The following SAXO3 variants were observed in gnomAD, a reference collection of about 807,000 sequenced individuals.
SAXO3 encodes the protein CTB-60B18.10.
At chr19:49,019,160 C>A in the SAXO3 span, 1 of 1,414,314 alleles carries the variant, frequency 7.1e-7, no homozygotes. Flanking sequence ...TCCTGCCACC[C>A]ACGCCAGGGA....
At chr19:49,018,056 C>CA in the SAXO3 span, 1 of 398,732 alleles carries the variant, frequency 2.5e-6, no homozygotes, top group East Asian at 3.6e-5. Context: ...CAGGGGCTTC[C>CA]AGTGCGGGCC....
the SAXO3 span, chr19:49,018,854 G>A: frequency 1.3e-6 from 2 of 1,526,866 alleles, no homozygotes; most frequent in South Asian, 2.4e-5. Flanking sequence ...AGGCGGTGCC[G>A]AGCGAGAGCC....
At chr19:49,020,415 C>T in the SAXO3 span, 9 of 399,240 alleles carry the variant, frequency 2.3e-5, no homozygotes, top group African/African-American at 2.1e-5. Context: ...TGGGATAATG[C>T]GGTGGGAAAA....
chr19:49,018,764 G>T, the SAXO3 span: 1 of 957,344 alleles, frequency 1.0e-6, no homozygotes, highest in Non-Finnish European at 1.6e-6. Flanking sequence ...TACAGAAGTC[G>T]AGGCTGAGAC....
the SAXO3 span, chr19:49,018,830 G>A: frequency 5.4e-6 from 8 of 1,473,378 alleles, no homozygotes; most frequent in South Asian, 9.7e-5. Flanking sequence ...CGGCCACGGC[G>A]GGGGCTGTGC....
the SAXO3 span, chr19:49,020,166 C>A: frequency 1.5e-5 from 8 of 542,658 alleles, no homozygotes; most frequent in Middle Eastern, 4.8e-4. Context: ...TATCACCCCC[C>A]ACCCCAAACT....
the SAXO3 span, chr19:49,020,514 A>G: frequency 2.5e-6 from 1 of 398,766 alleles, no homozygotes; most frequent in South Asian, 1.3e-4. Flanking sequence ...GCCACTGGCC[A>G]TGGTTCCACC....
chr19:49,019,423 G>A, the SAXO3 span: 1 of 1,256,600 alleles, frequency 8.0e-7, no homozygotes, highest in East Asian at 3.1e-5. Flanking sequence ...CCCACCCACA[G>A]CCCGCCGTCT....
the SAXO3 span, chr19:49,018,968 C>T: frequency 6.5e-7 from 1 of 1,533,984 alleles, no homozygotes; most frequent in East Asian, 2.4e-5. Flanking sequence ...GCCGGCCAGA[C>T]AGCTCGGGGT....
the SAXO3 span, chr19:49,019,706 C>G: frequency 1.7e-6 from 2 of 1,198,414 alleles, no homozygotes; most frequent in African/African-American, 3.2e-5. Context: ...CCGAAGTATT[C>G]CGGGGCGCGC....
At chr19:49,019,454 G>A in the SAXO3 span, 15 of 1,254,700 alleles carry the variant, frequency 1.2e-5, no homozygotes, top group Non-Finnish European at 1.5e-5. Flanking sequence ...CAGCTTAGGA[G>A]CCCTGAAGGT....
chr19:49,019,698 G>T, the SAXO3 span: 21 of 1,207,528 alleles, frequency 1.7e-5, no homozygotes, highest in Non-Finnish European at 2.2e-5. Context: ...GCTGGGGCCC[G>T]AAGTATTCCG....
At chr19:49,019,095 C>T in the SAXO3 span, 1 of 1,444,064 alleles carries the variant, frequency 6.9e-7, no homozygotes, top group Non-Finnish European at 9.1e-7. Flanking sequence ...TCTCCTTCGG[C>T]CTCGACAGCC....
chr19:49,019,346 G>T, the SAXO3 span: 20 of 1,191,216 alleles, frequency 1.7e-5, no homozygotes, highest in Non-Finnish European at 2.0e-5. Flanking sequence ...CTGCATCTTG[G>T]GCAGCAACTC....
the SAXO3 span, chr19:49,020,027 TC>T: frequency 6.8e-7 from 1 of 1,463,352 alleles, no homozygotes; most frequent in Non-Finnish European, 8.9e-7. Context: ...AGAGGTTGTC[TC>T]CCATCTGCTG....
the SAXO3 span, chr19:49,018,346 G>A: frequency 5.7e-6 from 7 of 1,218,214 alleles, no homozygotes; most frequent in Non-Finnish European, 7.2e-6. Flanking sequence ...CCGTCCTGTG[G>A]GAGCAGGGCG....
chr19:49,018,460 G>A, the SAXO3 span: 3 of 574,076 alleles, frequency 5.2e-6, no homozygotes, highest in Non-Finnish European at 7.8e-6. Context: ...GCACCCCTTA[G>A]GAAGGACGCG....
the SAXO3 span, chr19:49,018,224 G>A: frequency 4.5e-5 from 29 of 644,038 alleles, no homozygotes; most frequent in South Asian, 2.0e-3. Context: ...TGGTCGGGGC[G>A]GCCGGGAGGA....
chr19:49,019,371 C>G, the SAXO3 span: 1 of 1,243,316 alleles, frequency 8.0e-7, no homozygotes, highest in Non-Finnish European at 1.0e-6. Context: ...TTACCTCTCC[C>G]AACTCCCACC....
Sources: allele counts gnomAD v4.1 joint callset, GRCh38; gene constraint gnomAD v4.1.1; transcripts MANE v1.5; gene names NCBI Gene and HGNC (gene_info 2026-07-23, HGNC 2026-07-21).